DNAH5: variants seen among roughly 807,000 people sequenced by gnomAD.
DNAH5 encodes the protein axonemal beta dynein heavy chain 5.
DNAH5 carries 372 observed loss-of-function variants against 518.2 expected under a neutral mutation model. That is an observed-to-expected ratio of 0.72 (90% CI 0.66 to 0.78). The LOEUF (loss-of-function observed/expected upper bound fraction) is 0.78. Ranked by LOEUF, DNAH5 falls within the 30% of genes least tolerant of loss-of-function variation. The pLI, the probability that DNAH5 is intolerant of heterozygous loss-of-function variation, is 0.00. For missense variants in DNAH5, 5,523 were observed against 5,687.0 expected (o/e 0.97, Z 0.93); for synonymous variants, 2,039 against 2,025.9 (o/e 1.01, Z -0.17).
rs776767138 is a variant in DNAH5 at position 13,735,932 on chromosome 5, A to G, written c.11456T>C (p.Val3819Ala). 1.2e-5 allele frequency: 19 copies of G among 1,612,608 alleles called. No homozygotes were observed. The highest frequency in any genetic ancestry group is 1.4e-5 in the Non-Finnish European group (17 of 1,178,708). ...GTAGAGGATGCTGCCCCGCGTAGCC[A>G]CTGGAAGACAAAGAGCAAGGTTGCA... ...INSAREEYRP[V>A]ATRGSILYFL... The change falls in exon 67 of 79, where the codon GTG (valine) becomes GCG (alanine). Residue 3819 changes from valine (V) to alanine (A), a missense_variant and splice_region_variant. By Grantham distance (64) the Val-to-Ala change is moderately conservative. Coordinates refer to ENST00000265104, the MANE Select transcript of DNAH5 (RefSeq NM_001369.3).
rs759405285 is a variant in DNAH5, at chr5:13,794,055, T to C, written c.7891A>G (p.Thr2631Ala). The C allele has an allele frequency of 6.2e-7, 1 of 1,613,974 alleles. No individual in the cohort carries two copies. Among genetic ancestry groups the C allele is most frequent in the South Asian group, 1.1e-5 (1 of 91,084 alleles). The change falls in exon 48 of 79, where the codon ACG becomes GCG. Residue 2631 changes from threonine (T) to alanine (A), a missense_variant. Physicochemically the swap from Thr to Ala is moderately conservative, Grantham distance 58 (BLOSUM62 0). Around this residue, in one of 3 missense-constraint regions of DNAH5, gnomAD observed 5,121 missense variants for 5,223.3 expected, o/e 0.98. Transcript: ENST00000265104. ...SATTPLMFQR[T>A]IESYVDKRMG... ...CGTTTATCCACATAGCTCTCTATCG[T>C]CCTCTGTGAAAAAAAAATCAACTGA...
chr5:13,785,304 C>A (rs962254024), intron 52 of DNAH5, among the ~76,000 whole-genome samples: 1 of 152,056 alleles, frequency 6.6e-6, no homozygotes, highest in Non-Finnish European at 1.5e-5. Context: ...GCATGTTCAC[C>A]TGCTGCTCAC....
intron 1 of DNAH5, among the ~76,000 whole-genome samples, chr5:13,931,626 A>AT (rs1471396010): frequency 1.3e-5 from 2 of 152,198 alleles, no homozygotes; most frequent in African/African-American, 4.8e-5. Context: ...TTAAAGTAAT[A>AT]TTTTTTCTAC....
intron 24 of DNAH5, among the ~76,000 whole-genome samples, chr5:13,869,805 AGTTT>A (rs113750616): frequency 4.0e-4 from 61 of 151,868 alleles, no homozygotes; most frequent in East Asian, 5.8e-4. Flanking sequence ...GGGAAAAAAG[AGTTT>A]GTTTGTTTGT....
intron 60 of DNAH5, among the ~76,000 whole-genome samples, chr5:13,761,049 G>A: frequency 6.6e-6 from 1 of 152,150 alleles, no homozygotes; most frequent in East Asian, 1.9e-4. Flanking sequence ...AAAAGCACAG[G>A]TTGTAGGAGT....
intron 47 of DNAH5, 73 bp downstream of exon 47, chr5:13,807,518 G>A: frequency 7.0e-7 from 1 of 1,421,854 alleles, no homozygotes; most frequent in Non-Finnish European, 9.9e-7. Context: ...AATTGAAGCA[G>A]AATAGTAGAG....
chr5:13,924,870 A>C (rs912899556), intron 3 of DNAH5, among the ~76,000 whole-genome samples: 1 of 152,154 alleles, frequency 6.6e-6, no homozygotes, highest in African/African-American at 2.4e-5. Flanking sequence ...AGTACATAGA[A>C]TACACTCTGA....
At chr5:13,926,447 G>C (rs1291923566) in intron 3 of DNAH5, among the ~76,000 whole-genome samples, 4 of 152,198 alleles carry the variant, frequency 2.6e-5, no homozygotes, top group Non-Finnish European at 5.9e-5. Context: ...ATGTGGACAA[G>C]GGGTAGAAGA....
Position 13,851,813 on chromosome 5 carries a change from T to G in DNAH5, c.4951-998A>C, listed in dbSNP as rs1766889389. 2.0e-5 allele frequency among the ~76,000 whole-genome samples: 3 copies of G among 152,072 alleles called. No individual in the cohort carries two copies. In the South Asian group the frequency reaches 6.2e-4, roughly 32 times the overall value. ...TGGCCGAATAGGAATAGTTCCACCC[T>G]GCAGCTCCCAGCAAGATCAACACAG... is the stretch of plus-strand genomic sequence containing the variant. On this transcript the variant is annotated intron_variant, in intron 30 of 78. Transcript: ENST00000265104.
chr5:13,894,201 A>G (rs1485884369), intron 16 of DNAH5, among the ~76,000 whole-genome samples: 2 of 152,236 alleles, frequency 1.3e-5, no homozygotes, highest in Non-Finnish European at 2.9e-5. Flanking sequence ...AGCGCATTTT[A>G]TGGAATATAC....
chr5:13,978,189 C>A (rs1370496163), intron 1 of DNAH5, among the ~76,000 whole-genome samples: 1 of 152,224 alleles, frequency 6.6e-6, no homozygotes, highest in Non-Finnish European at 1.5e-5. Context: ...AGCCCAGCAC[C>A]CTTCACCACC....
At chr5:13,906,896 A>G (rs138185320) in intron 12 of DNAH5, among the ~76,000 whole-genome samples, 73 of 147,022 alleles carry the variant, frequency 5.0e-4, no homozygotes, top group Middle Eastern at 7.1e-3. Flanking sequence ...AATGGAAATT[A>G]ATGAGCTAAG....
At chr5:13,744,916 A>T (rs1749123078) in intron 65 of DNAH5, among the ~76,000 whole-genome samples, 1 of 151,994 alleles carries the variant, frequency 6.6e-6, no homozygotes, top group Non-Finnish European at 1.5e-5. Context: ...AAACAAGAGA[A>T]CTCAGAAAGA....
chr5:13,727,416 G>A (rs1422559810), intron 70 of DNAH5, 91 bp downstream of exon 70: 9 of 1,269,640 alleles, frequency 7.1e-6, no homozygotes, highest in South Asian at 1.5e-5. Flanking sequence ...AATTCTCACT[G>A]GAATTCACAT....
At position 13,769,507 on chromosome 5, in the gene DNAH5, G is replaced by A. The variant is rs375561333; in HGVS notation, c.9714C>T (p.Ala3238=). 341 of 1,613,632 alleles carry A rather than the reference G, an allele frequency of 2.1e-4. 3 individuals carry two copies. In the South Asian group the frequency reaches 2.7e-3, roughly 13 times the overall value. The part of the protein sequence containing the change: ...EKELQVANDK[A]DMVLKEVTMK... ...TGTGTAAATGCCCACCCACCATGTC[G>A]GCTTTATCGTTGGCCACTTGTAGCT... Residue 3238 remains alanine, a synonymous_variant, in exon 57 of 79, where the codon GCC becomes GCT. Coordinates refer to ENST00000265104, the MANE Select transcript of DNAH5 (RefSeq NM_001369.3).
chr5:13,809,971 T>C, intron 45 of DNAH5, 88 bp downstream of exon 45: 1 of 1,303,058 alleles, frequency 7.7e-7, no homozygotes, highest in South Asian at 1.3e-5. Context: ...ATAAATCTCA[T>C]TTAGAAAAAA....
At chr5:13,751,770 T>G (rs567853482) in intron 64 of DNAH5, among the ~76,000 whole-genome samples, 1 of 151,932 alleles carries the variant, frequency 6.6e-6, no homozygotes, top group African/African-American at 2.4e-5. Context: ...TTCCCATACA[T>G]AGGTGTGGAC....
Position 13,814,676 on chromosome 5 carries a change from G to A in DNAH5, c.7159C>T (p.Pro2387Ser), listed in dbSNP as rs1761206323. ...ATTCCATTTCTTGAGACGGTGGCAG[G>A]AGAAGCATTGTCAATGTTATGAGGC... is the stretch of plus-strand genomic sequence containing the variant. ...FEPHNIDNAS[P>S]ATVSRNGMVF... Residue 2387 changes from proline (P) to serine (S), a missense_variant, in exon 43 of 79, where the codon CCT becomes TCT. By Grantham distance (74) the Pro-to-Ser change is moderately conservative (BLOSUM62 -1). This residue lies in a region of DNAH5 where 5,121 missense variants were observed against 5,223.3 expected (regional missense o/e 0.98). Transcript: ENST00000265104. The A allele has an allele frequency of 6.2e-7, 1 of 1,613,942 alleles. No individual in the cohort carries two copies. Among genetic ancestry groups the A allele is most frequent in the Non-Finnish European group, 8.5e-7 (1 of 1,179,948 alleles).
rs776835360 is a variant in DNAH5 at position 13,829,543 on chromosome 5, G to C, written c.6411C>G (p.Leu2137=). 5 of 1,614,038 alleles carry C rather than the reference G, an allele frequency of 3.1e-6. No homozygotes were observed. In the African/African-American group the frequency reaches 6.7e-5, roughly 22 times the overall value. The change falls in exon 38 of 79, where the codon CTC becomes CTG. Residue 2137 remains leucine, a synonymous_variant. Transcript: ENST00000265104. The part of the protein sequence containing the change: ...NVVLARKFFT[L]YKLCEEQLSK... The stretch of plus-strand genomic sequence containing the variant: ...AAAGCTGCTCCTCACACAGTTTGTA[G>C]AGCGTGAAAAACTTCCTGGCCAAAA...
Sources: allele counts gnomAD v4.1 joint callset (sites outside exome capture counted in the v4.1 genomes callset), GRCh38; gene constraint gnomAD v4.1.1; regional missense constraint gnomAD v4.1.1; transcripts MANE v1.5; gene names NCBI Gene and HGNC (gene_info 2026-07-23, HGNC 2026-07-21).